The following CACNA1H variants were observed in gnomAD, a reference collection of about 807,000 sequenced individuals.
CACNA1H encodes voltage-dependent T-type calcium channel subunit alpha-1H.
Under a neutral mutation model 192.5 loss-of-function variants are expected in CACNA1H, and 149 were observed. That is an observed-to-expected ratio of 0.77 (90% CI 0.68 to 0.89). CACNA1H has a LOEUF of 0.89. CACNA1H is among the 40% of genes least tolerant of loss of function. The pLI, the probability that CACNA1H is intolerant of heterozygous loss-of-function variation, is 0.00. For missense variants in CACNA1H, 4,257 were observed against 3,423.5 expected (o/e 1.24, Z -6.08); for synonymous variants, 2,202 against 1,475.2 (o/e 1.49, Z -11.29).
intron 11 of CACNA1H, 124 bp downstream of exon 11, chr16:1,205,389 C>A (rs1184415949): frequency 1.8e-6 from 2 of 1,101,064 alleles, no homozygotes; most frequent in Non-Finnish European, 2.6e-6. Context: ...TTATGACAGG[C>A]CGTGGGAAGC....
intron 6 of CACNA1H, among the ~76,000 whole-genome samples, chr16:1,199,572 C>T (rs868045889): frequency 3.3e-5 from 5 of 151,336 alleles, no homozygotes; most frequent in South Asian, 4.2e-4. Flanking sequence ...CATCCCCTCC[C>T]CACACCCCAG....
Position 1,220,589 on chromosome 16 carries a change from G to A in CACNA1H, c.6657G>A (p.Arg2219=), listed in dbSNP as rs1970406406. ...AEGGSTTLRR[R]TPSCEATPHR... is the part of the protein sequence containing the mutation. ...GCGGCAGCACCACACTGAGGCGCAG[G>A]ACCCCGTCCTGTGAGGCCACGCCTC... The change falls in exon 35 of 35, where the codon AGG becomes AGA. Residue 2219 remains arginine, a synonymous_variant. Transcript: ENST00000348261. 2 of 1,546,790 alleles carry A rather than the reference G, an allele frequency of 1.3e-6. No homozygotes were observed. The highest frequency in any genetic ancestry group is 2.1e-5 in the Admixed American group (1 of 46,860).
chr16:1,165,511 C>T (rs866042593), intron 2 of CACNA1H, among the ~76,000 whole-genome samples: 53 of 151,884 alleles, frequency 3.5e-4, no homozygotes, highest in African/African-American at 1.1e-3. Flanking sequence ...CCGGGGAGCT[C>T]CAGGTGGAGA....
intron 5 of CACNA1H, among the ~76,000 whole-genome samples, chr16:1,197,089 G>A (rs774508124): frequency 1.4e-4 from 21 of 152,188 alleles, no homozygotes; most frequent in Non-Finnish European, 1.9e-4. Context: ...CTGGCTTCCC[G>A]AAGGGCAGGT....
intron 2 of CACNA1H, among the ~76,000 whole-genome samples, chr16:1,171,260 T>C (rs1964341265): frequency 2.0e-5 from 3 of 152,208 alleles, no homozygotes; most frequent in East Asian, 3.9e-4. Flanking sequence ...CAGCCTGCTC[T>C]GTGGGGCCCT....
At chr16:1,209,585 A>G (rs1042400969) in intron 17 of CACNA1H, 173 bp downstream of exon 17, 1 of 771,218 alleles carries the variant, frequency 1.3e-6, no homozygotes, top group African/African-American at 1.8e-5. Flanking sequence ...GGATTCAGCC[A>G]CAGATGATCC....
intron 2 of CACNA1H, among the ~76,000 whole-genome samples, chr16:1,187,671 C>T (rs1966207811): frequency 6.6e-6 from 1 of 152,200 alleles, no homozygotes; most frequent in South Asian, 2.1e-4. Context: ...CTGCTGGGAT[C>T]CCTGGAGGCC....
In CACNA1H at chr16:1,167,854, G is replaced by A. The variant is rs1005272060; in HGVS notation, c.299+13818G>A. On this transcript the variant is annotated intron_variant, in intron 2 of 34. Transcript: ENST00000348261. This position sits in a 1 kb window ranked among gnomAD's most constrained non-coding sequence, Gnocchi z 4.2. Reference sequence around the variant, plus strand: ...AGGTTGGGGCGTGGCCTGGCCGTCCGTCCGCGGGGCCCGGGCTGCCCATGG... The same window carrying A: ...AGGTTGGGGCGTGGCCTGGCCGTCCATCCGCGGGGCCCGGGCTGCCCATGG... 4.6e-5 allele frequency among the ~76,000 whole-genome samples: 7 copies of A among 152,310 alleles called. No homozygotes were observed. The South Asian group carries it at 8.3e-4, about 18-fold the overall frequency.
intron 5 of CACNA1H, 58 bp from the exon 6 acceptor site, chr16:1,198,557 G>GCCCC (rs2141219715): frequency 1.9e-6 from 3 of 1,589,060 alleles, no homozygotes; most frequent in Non-Finnish European, 2.6e-6. Context: ...AGGGGCTGCA[G>GCCCC]CCCCGAGGAC....
Position 1,210,962 on chromosome 16 carries a change from G to A in CACNA1H, c.4214G>A (p.Arg1405Gln), listed in dbSNP as rs1295752798. Residue 1405 changes from arginine (R) to glutamine (Q), a missense_variant, in exon 21 of 35, where the codon CGG (arginine) becomes CAG (glutamine). Transcript: ENST00000348261. The stretch of plus-strand genomic sequence containing the variant: ...GTGCTGCGTCTGCTGCGGACCCTGC[G>A]GCCTCTGAGGTGGGGGGCTCCCCGT... ...LRVLRLLRTLRPLRVISRAPG... is the reference protein window; with the variant it reads ...LRVLRLLRTLQPLRVISRAPG... 4 of 1,595,832 alleles carry A rather than the reference G, an allele frequency of 2.5e-6. No homozygotes were observed. The highest frequency in any genetic ancestry group is 2.2e-5 in the East Asian group (1 of 44,746).
chr16:1,201,997 AC>A lies in CACNA1H; in HGVS notation c.1549del (p.Leu517TrpfsTer66). ...RAGRHTASVH[H>X]LVYHHHHHHH... ...GGCAGGCACACAGCCTCGGTGCACC[AC>A]CTGGTCTACCACCACCATCACCACC... On this transcript the variant is annotated frameshift_variant, in exon 9 of 35. Coordinates refer to ENST00000348261, the MANE Select transcript of CACNA1H (RefSeq NM_021098.3). LOFTEE classifies it high-confidence loss of function. 1 of 1,539,180 alleles carries A rather than the reference AC, an allele frequency of 6.5e-7. No individual in the cohort carries two copies. The highest frequency in any genetic ancestry group is 1.2e-5 in the South Asian group (1 of 83,894).
intron 2 of CACNA1H, among the ~76,000 whole-genome samples, chr16:1,188,254 G>A (rs2151796281): frequency 6.6e-6 from 1 of 152,310 alleles, no homozygotes; most frequent in Admixed American, 6.5e-5. Context: ...GATGTTAGCT[G>A]ATGTTTCGGG....
chr16:1,208,206 A>C lies in CACNA1H; in HGVS notation c.3348A>C (p.Gly1116=). The stretch of plus-strand genomic sequence containing the variant: ...GCAGCTCCGGGGACCCGCCACTGGG[A>C]GACCAGAAGCCTCCGGTAGGGACCA... ...GSSSSGDPPL[G]DQKPPASLRS... The change falls in exon 16 of 35, where the codon GGA becomes GGC. Residue 1116 remains glycine (G), a synonymous_variant. Coordinates refer to ENST00000348261, the MANE Select transcript of CACNA1H (RefSeq NM_021098.3). 6.4e-7 allele frequency: 1 copy of C among 1,563,828 alleles called. No homozygotes were observed. Among genetic ancestry groups the C allele is most frequent in the Non-Finnish European group, 8.6e-7 (1 of 1,157,054 alleles).
rs1968852331 is a variant in CACNA1H at position 1,207,314 on chromosome 16, G to A, written c.2947G>A (p.Gly983Ser). The A allele has an allele frequency of 1.2e-5, 19 of 1,610,760 alleles. No individual in the cohort carries two copies. The highest frequency in any genetic ancestry group is 1.4e-5 in the Non-Finnish European group (16 of 1,178,788). ...QEDWNVVLYN[G>S]MASTSSWAAL... ...GGACTGGAACGTGGTCCTGTACAAC[G>A]GCATGGCCTCCACCTCCTCCTGGGC... Residue 983 changes from glycine (G) to serine (S), a missense_variant, in exon 14 of 35, where the codon GGC (glycine) becomes AGC (serine). Transcript: ENST00000348261.
At chr16:1,201,403 A>T (rs1297866334) in intron 8 of CACNA1H, among the ~76,000 whole-genome samples, 1 of 152,098 alleles carries the variant, frequency 6.6e-6, no homozygotes, top group African/African-American at 2.4e-5. Context: ...CAGGTAAAGG[A>T]GGGGCCGAGC....
In CACNA1H at chr16:1,185,092, C is replaced by T. The variant is rs376032974; in HGVS notation, c.300-9880C>T. On this transcript the variant is annotated intron_variant, in intron 2 of 34. Coordinates refer to ENST00000348261, the MANE Select transcript of CACNA1H (RefSeq NM_021098.3). ...CGCTTTGTCTCTGGGTTTGCCTGTG[C>T]GGGACTTTCCGTGTGACATGTGGTC... Among the ~76,000 whole-genome samples, 103 of 152,322 alleles carry T rather than the reference C, an allele frequency of 6.8e-4. No individual in the cohort carries two copies. In the South Asian group the frequency reaches 9.8e-3, roughly 14 times the overall value.
At chr16:1,199,878 T>A (rs11640927) in intron 6 of CACNA1H, among the ~76,000 whole-genome samples, 15,438 of 151,988 alleles carry the variant, frequency 0.1, 960 homozygotes, top group Non-Finnish European at 0.14. Flanking sequence ...TTCCAGGAGT[T>A]GCTGAGGTCT....
At chr16:1,205,958 A>G (rs1302266594) in intron 11 of CACNA1H, 146 bp from the exon 12 acceptor site, 2 of 735,224 alleles carry the variant, frequency 2.7e-6, no homozygotes, top group Non-Finnish European at 4.3e-6. Context: ...CTGTTCATGC[A>G]CCTTGATGCA....
chr16:1,158,866 C>G (rs1014034269), intron 2 of CACNA1H, among the ~76,000 whole-genome samples: 1 of 148,322 alleles, frequency 6.7e-6, no homozygotes, highest in African/African-American at 2.6e-5. Flanking sequence ...CAGCCCGCAC[C>G]CCTGGCCCCG....
Sources: gnomAD v4.1 joint callset for allele counts (sites outside exome capture counted in the v4.1 genomes callset) on GRCh38, gnomAD v4.1.1 for gene constraint, Gnocchi (gnomAD v3.1) non-coding constraint, MANE v1.5 for transcripts, NCBI Gene and HGNC (gene_info 2026-07-23, HGNC 2026-07-21) for gene names.